Variants in BBS9 observed in about 807,000 individuals in gnomAD.
BBS9 encodes Bardet-Biedl syndrome 9, also known as protein PTHB1.
BBS9 carries 89 observed loss-of-function variants against 117.7 expected under a neutral mutation model. The ratio of observed to expected loss-of-function variants is 0.76; its 90% CI spans 0.64 to 0.90. The LOEUF (loss-of-function observed/expected upper bound fraction) is 0.90, where lower values mean the gene tolerates loss of function less well. Ranked by LOEUF, BBS9 falls within the 40% of genes least tolerant of loss-of-function variation. BBS9 has a pLI of 0.00. For missense variants in BBS9, 982 were observed against 1,042.2 expected (o/e 0.94, Z 0.80); for synonymous variants, 379 against 370.9 (o/e 1.02, Z -0.25).
intron 1 of BBS9, among the ~76,000 whole-genome samples, chr7:33,141,939 C>CTT (rs918787593): frequency 6.8e-6 from 1 of 146,840 alleles, no homozygotes. Flanking sequence ...GTTTTAAATT[C>CTT]TTTTTTTTTT....
intron 16 of BBS9, among the ~76,000 whole-genome samples, chr7:33,363,658 A>T (rs1159711898): frequency 1.3e-5 from 2 of 150,706 alleles, no homozygotes; most frequent in Non-Finnish European, 3.0e-5. Context: ...ACCATTAAGT[A>T]TGTTTTAGCT....
chr7:33,556,234 T>C (rs1241088474), intron 21 of BBS9, among the ~76,000 whole-genome samples: 2 of 152,218 alleles, frequency 1.3e-5, no homozygotes, highest in Admixed American at 1.3e-4. Flanking sequence ...TCCGATGTAC[T>C]AGAGGAATTT....
chr7:33,378,996 G>T (rs556395064), intron 17 of BBS9, among the ~76,000 whole-genome samples: 5 of 152,270 alleles, frequency 3.3e-5, no homozygotes, highest in African/African-American at 1.2e-4. Flanking sequence ...TTGCCTGGAC[G>T]TACCTGAACA....
rs1816579779 is a variant in BBS9 at position 33,341,614 on chromosome 7, A to G, written c.1275+641A>G. Among the ~76,000 whole-genome samples the G allele has an allele frequency of 2.9e-5, 4 of 140,332 alleles. No homozygotes were observed. In the South Asian group the frequency reaches 9.7e-4, roughly 34 times the overall value. The allele number at this position is 140,332 out of a possible 152,430, so 92.1% of individuals were successfully genotyped here. A position where few individuals can be genotyped will look rare whatever the true frequency, so the allele number is the denominator to read the frequency against. ...ATGATTGTCATTATCATCAAATTAC[A>G]TTTTACTTCTTTCTACATTATAATA... On this transcript the variant is annotated intron_variant, in intron 11 of 22. Coordinates refer to ENST00000242067, the MANE Select transcript of BBS9 (RefSeq NM_198428.3).
intron 21 of BBS9, among the ~76,000 whole-genome samples, chr7:33,564,995 G>A (rs936251947): frequency 3.3e-5 from 5 of 152,172 alleles, no homozygotes; most frequent in African/African-American, 2.4e-5. Context: ...AGTGAAAATA[G>A]CTTGATGGTT....
At chr7:33,348,957 T>C in intron 12 of BBS9, 111 bp from the exon 13 acceptor site, 2 of 749,946 alleles carry the variant, frequency 2.7e-6, no homozygotes, top group Non-Finnish European at 4.6e-6. Context: ...ACTCATTTTT[T>C]CCTCAGGTAA....
chr7:33,144,260 A>G (rs1791995897), intron 1 of BBS9, among the ~76,000 whole-genome samples: 1 of 152,184 alleles, frequency 6.6e-6, no homozygotes, highest in African/African-American at 2.4e-5. Context: ...TATAAAAACA[A>G]ATGACCTTGG....
chr7:33,422,484 C>T (rs894799174), intron 19 of BBS9, among the ~76,000 whole-genome samples: 3 of 152,128 alleles, frequency 2.0e-5, no homozygotes, highest in Non-Finnish European at 4.4e-5. Flanking sequence ...AGTGATGATA[C>T]TTTAATTGTG....
At chr7:33,553,718 G>A (rs377372159) in intron 21 of BBS9, among the ~76,000 whole-genome samples, 3 of 152,060 alleles carry the variant, frequency 2.0e-5, no homozygotes, top group African/African-American at 7.2e-5. Flanking sequence ...CTTAAAATGG[G>A]GAAAGAATAT....
At chr7:33,483,493 A>C (rs1842742376) in intron 19 of BBS9, among the ~76,000 whole-genome samples, 1 of 152,222 alleles carries the variant, frequency 6.6e-6, no homozygotes, top group Non-Finnish European at 1.5e-5. Context: ...ACCTCCAATT[A>C]GTCTTTTCTA....
chr7:33,421,425 T>A (rs1305233274), intron 19 of BBS9, among the ~76,000 whole-genome samples: 2 of 152,216 alleles, frequency 1.3e-5, no homozygotes, highest in African/African-American at 2.4e-5. Flanking sequence ...ATACTTGGTG[T>A]GTATGTTTGT....
At chr7:33,591,099 G>A (rs1403268035) in intron 21 of BBS9, among the ~76,000 whole-genome samples, 1 of 152,034 alleles carries the variant, frequency 6.6e-6, no homozygotes. Context: ...TTAGTGGGCT[G>A]TGCTCAGCCC....
At chr7:33,253,426 C>G (rs997962749) in intron 5 of BBS9, among the ~76,000 whole-genome samples, 1 of 152,058 alleles carries the variant, frequency 6.6e-6, no homozygotes, top group Non-Finnish European at 1.5e-5. Context: ...CCAGCCTGGC[C>G]AACATGGTGA....
intron 5 of BBS9, among the ~76,000 whole-genome samples, chr7:33,209,941 T>G (rs1006036759): frequency 4.6e-5 from 7 of 152,150 alleles, no homozygotes; most frequent in Non-Finnish European, 8.8e-5. Flanking sequence ...ATTTTTGGTT[T>G]GGTTTGCTCT....
rs144280385 is a variant in BBS9, at chr7:33,179,748, C to G, written c.442+2157C>G. 4.0e-3 allele frequency among the ~76,000 whole-genome samples: 607 copies of G among 152,272 alleles called. 4 individuals carry two copies. The highest frequency in any genetic ancestry group is 0.014 in the African/African-American group (581 of 41,544). On this transcript the variant is annotated intron_variant, in intron 5 of 22. Coordinates refer to ENST00000242067, the MANE Select transcript of BBS9 (RefSeq NM_198428.3). Reference sequence around the variant, plus strand: ...TCCCGAAATCTTCCCCCTTCCTGGTCTGTGGAAAAATTGTCTTCCACAAAA... The same window carrying G: ...TCCCGAAATCTTCCCCCTTCCTGGTGTGTGGAAAAATTGTCTTCCACAAAA...
intron 17 of BBS9, among the ~76,000 whole-genome samples, chr7:33,376,146 C>G (rs1823847359): frequency 6.6e-6 from 1 of 152,010 alleles, no homozygotes; most frequent in Non-Finnish European, 1.5e-5. Context: ...AAGTGTAGTA[C>G]CTGAAAATTA....
At chr7:33,428,164 C>G (rs1470631219) in intron 19 of BBS9, among the ~76,000 whole-genome samples, 1 of 152,018 alleles carries the variant, frequency 6.6e-6, no homozygotes, top group Non-Finnish European at 1.5e-5. Context: ...AGGTATAGTC[C>G]AGACTGTCAT....
intron 19 of BBS9, among the ~76,000 whole-genome samples, chr7:33,503,444 G>T (rs1314390912): frequency 6.6e-6 from 1 of 152,182 alleles, no homozygotes; most frequent in East Asian, 1.9e-4. Context: ...TAATTGGAGG[G>T]ATAGTTATTC....
intron 20 of BBS9, among the ~76,000 whole-genome samples, chr7:33,527,649 G>T (rs1192708738): frequency 6.6e-6 from 1 of 152,188 alleles, no homozygotes; most frequent in South Asian, 2.1e-4. Flanking sequence ...CCACTGTCTG[G>T]CACTCCCTAG....
Sources: allele counts gnomAD v4.1 joint callset (sites outside exome capture counted in the v4.1 genomes callset), GRCh38; gene constraint gnomAD v4.1.1; transcripts MANE v1.5; gene names NCBI Gene and HGNC (gene_info 2026-07-23, HGNC 2026-07-21).